CDC73: variants seen among roughly 807,000 people sequenced by gnomAD.
CDC73 encodes parafibromin.
In CDC73, 21 loss-of-function variants were observed where a neutral mutation model predicts 83.7. That is an observed-to-expected ratio of 0.25 (90% CI 0.18 to 0.36). The LOEUF (loss-of-function observed/expected upper bound fraction) is 0.36. Among genes scored for constraint, CDC73 ranks in the 10% least tolerant of loss-of-function variants. CDC73 has a pLI of 1.00. For missense variants in CDC73, 342 were observed against 653.3 expected (o/e 0.52, Z 5.19); for synonymous variants, 224 against 212.9 (o/e 1.05, Z -0.45).
intron 15 of CDC73, chr1:193,237,013 A>C (rs1367602471): frequency 6.9e-6 from 1 of 144,756 alleles, no homozygotes; most frequent in Non-Finnish European, 1.5e-5. Flanking sequence ...GCGCGATCTC[A>C]GCTCACTGCA....
intron 13 of CDC73, among the ~76,000 whole-genome samples, chr1:193,224,520 C>T (rs1334103960): frequency 1.3e-5 from 2 of 151,716 alleles, no homozygotes; most frequent in Admixed American, 6.6e-5. Flanking sequence ...CACATATACA[C>T]ATATATGAAA....
chr1:193,178,519 T>G (rs548519512), intron 10 of CDC73, among the ~76,000 whole-genome samples: 58 of 152,262 alleles, frequency 3.8e-4, no homozygotes, highest in African/African-American at 1.3e-3. Flanking sequence ...ACACACACTG[T>G]TTTTAAAACT....
intron 8 of CDC73, 65 bp from the exon 9 acceptor site, chr1:193,150,239 C>T (rs113243507): frequency 1.8e-4 from 214 of 1,180,868 alleles, no homozygotes; most frequent in Non-Finnish European, 2.4e-4. Context: ...CTACTGCACT[C>T]CAGCACATTA....
At chr1:193,133,436 A>G (rs1233158240) in intron 3 of CDC73, among the ~76,000 whole-genome samples, 1 of 152,210 alleles carries the variant, frequency 6.6e-6, no homozygotes, top group Non-Finnish European at 1.5e-5. Context: ...GTTCATTGGC[A>G]AAAGTAAGCA....
At chr1:193,201,376 T>C (rs1677088083) in intron 10 of CDC73, among the ~76,000 whole-genome samples, 1 of 152,218 alleles carries the variant, frequency 6.6e-6, no homozygotes, top group African/African-American at 2.4e-5. Context: ...ATATTCTACC[T>C]CTTTTCTTGC....
chr1:193,122,455 AG>A, intron 1 of CDC73, 124 bp downstream of exon 1: 1 of 1,290,326 alleles, frequency 7.7e-7, no homozygotes, highest in Non-Finnish European at 1.1e-6. Flanking sequence ...TTCGGGGAAA[AG>A]AAAGTTTCTC....
intron 11 of CDC73, among the ~76,000 whole-genome samples, chr1:193,204,217 GT>G (rs1677142174): frequency 8.1e-5 from 1 of 12,400 alleles, no homozygotes; most frequent in South Asian, 4.5e-3. Flanking sequence ...GTATATATAT[GT>G]ATATATATGT....
chr1:193,181,462 A>G lies in CDC73; in HGVS notation c.973-22333A>G, dbSNP rs762624742. 6.2e-6 allele frequency: 10 copies of G among 1,614,070 alleles called. No homozygotes were observed. Among genetic ancestry groups the G allele is most frequent in the Admixed American group, 1.7e-5 (1 of 60,016 alleles). On this transcript the variant is annotated intron_variant, in intron 10 of 16. Coordinates refer to ENST00000367435, the MANE Select transcript of CDC73 (RefSeq NM_024529.5). Reference sequence around the variant, plus strand: ...AAACAAAAACATAGCAAAAAGAAACACTAGAGAAAGTACTCCAATAAGATG... The same window carrying G: ...AAACAAAAACATAGCAAAAAGAAACGCTAGAGAAAGTACTCCAATAAGATG...
In CDC73 at chr1:193,139,063, C is replaced by T. The variant is rs150021950; in HGVS notation, c.512+890C>T. 3.2e-4 allele frequency among the ~76,000 whole-genome samples: 48 copies of T among 152,168 alleles called. 1 individual carries two copies. In the East Asian group the frequency reaches 5.6e-3, roughly 18 times the overall value. ...TGCTGGGATTACAGGCGTGAGCCACCGCGCCTGGCTGAACTTTAGTATTTT... is the reference window on the plus strand; with the variant it reads ...TGCTGGGATTACAGGCGTGAGCCACTGCGCCTGGCTGAACTTTAGTATTTT... On this transcript the variant is annotated intron_variant, in intron 6 of 16. Transcript: ENST00000367435.
intron 10 of CDC73, among the ~76,000 whole-genome samples, chr1:193,163,512 C>G (rs1383424802): frequency 6.6e-6 from 1 of 151,018 alleles, no homozygotes; most frequent in East Asian, 1.9e-4. Flanking sequence ...GCCCGCCCCC[C>G]AAAAAAAGAA....
intron 10 of CDC73, among the ~76,000 whole-genome samples, chr1:193,159,359 A>C (rs1676267394): frequency 6.6e-6 from 1 of 151,986 alleles, no homozygotes; most frequent in Admixed American, 6.6e-5. Flanking sequence ...CTTCTTTAAA[A>C]GTTTATTTTG....
chr1:193,162,294 T>TAA lies in CDC73; in HGVS notation c.972+9850_972+9851insAA, dbSNP rs1274690713. Among the ~76,000 whole-genome samples the TAA allele has an allele frequency of 1.2e-4, 15 of 123,058 alleles. 1 individual carries two copies. The highest frequency in any genetic ancestry group is 3.2e-4 in the African/African-American group (10 of 31,092). 80.7% of individuals were successfully genotyped at this position (123,058 alleles called of 152,430 possible). A position where few individuals can be genotyped will look rare whatever the true frequency, so the allele number is the denominator to read the frequency against. On this transcript the variant is annotated intron_variant, in intron 10 of 16. Coordinates refer to ENST00000367435, the MANE Select transcript of CDC73 (RefSeq NM_024529.5). ...GATAATATATAGTATATATGATATA[T>TAA]TATATATACTATATATTATATATCA...
intron 13 of CDC73, among the ~76,000 whole-genome samples, chr1:193,220,260 G>T (rs538166308): frequency 7.0e-6 from 1 of 142,458 alleles, no homozygotes; most frequent in Admixed American, 7.5e-5. Context: ...TCCACCTCCC[G>T]GGTTCAAGCG....
At chr1:193,177,486 G>A (rs539304984) in intron 10 of CDC73, among the ~76,000 whole-genome samples, 2 of 149,858 alleles carry the variant, frequency 1.3e-5, no homozygotes, top group Non-Finnish European at 3.0e-5. Context: ...GCCGAGATCG[G>A]GCCACTGCAC....
chr1:193,222,926 C>T (rs899004996), intron 13 of CDC73, among the ~76,000 whole-genome samples: 2 of 151,698 alleles, frequency 1.3e-5, no homozygotes, highest in Non-Finnish European at 1.5e-5. Context: ...TTCATTATTT[C>T]GTTACTTTTA....
intron 15 of CDC73, among the ~76,000 whole-genome samples, chr1:193,242,613 G>C (rs1393631712): frequency 6.6e-6 from 1 of 152,156 alleles, no homozygotes; most frequent in Admixed American, 6.5e-5. Flanking sequence ...GGTGCCAGAT[G>C]CCTCTAGTTA....
rs2103123828 is a variant in CDC73 at position 193,138,169 on chromosome 1, AT to A, written c.510del (p.Arg171GlyfsTer31). On this transcript the variant is annotated frameshift_variant, in exon 6 of 17. Transcript: ENST00000367435. LOFTEE classifies it high-confidence loss of function. ...AGAAGGGATTGTACAGACTGAACAGATTAGGTAAGAATTCTTTTTAAGTAGA... is the reference window on the plus strand; with the variant it reads ...AGAAGGGATTGTACAGACTGAACAGATAGGTAAGAATTCTTTTTAAGTAGA... ...HKEGIVQTEQ[I>X]RSLSEAMSVE... 1 of 1,600,096 alleles carries A rather than the reference AT, an allele frequency of 6.2e-7. No homozygotes were observed.
Position 193,125,115 on chromosome 1 carries a change from T to C in CDC73, c.135T>C (p.Thr45=). Residue 45 remains threonine, a synonymous_variant, in exon 2 of 17, where the codon ACT becomes ACC. Coordinates refer to ENST00000367435, the MANE Select transcript of CDC73 (RefSeq NM_024529.5). ...NVKTNYVVWG[T]GKEGQPREYY... is the part of the protein sequence containing the mutation. ...AATCTTGCCTTAATTATTTCAGGAC[T>C]GGAAAGGAAGGCCAACCCAGAGAGT... The C allele has an allele frequency of 6.5e-7, 1 of 1,543,776 alleles. No individual in the cohort carries two copies. The highest frequency in any genetic ancestry group is 9.0e-7 in the Non-Finnish European group (1 of 1,115,756).
chr1:193,172,524 C>T (rs777138732), intron 10 of CDC73, among the ~76,000 whole-genome samples: 33 of 151,964 alleles, frequency 2.2e-4, no homozygotes, highest in African/African-American at 6.0e-4. Flanking sequence ...TGCTAAGATC[C>T]GAGAGATGGA....
Sources: allele counts gnomAD v4.1 joint callset (sites outside exome capture counted in the v4.1 genomes callset), GRCh38; gene constraint gnomAD v4.1.1; transcripts MANE v1.5; gene names NCBI Gene and HGNC (gene_info 2026-07-23, HGNC 2026-07-21).